The following ARX variants were observed in gnomAD, a reference collection of about 807,000 sequenced individuals.
The protein encoded by ARX is homeobox protein ARX.
ARX carries 1 observed loss-of-function variant against 23.1 expected under a neutral mutation model. The ratio of observed to expected loss-of-function variants is 0.04; its 90% CI spans 0.02 to 0.21. The LOEUF is 0.21. Ranked by LOEUF, ARX falls within the 10% of genes least tolerant of loss-of-function variation. The pLI is 1.00. For missense variants in ARX, 380 were observed against 527.5 expected (o/e 0.72, Z 2.74); for synonymous variants, 301 against 270.1 (o/e 1.11, Z -1.12).
At position 25,013,287 on chromosome X, in the gene ARX, A is replaced by G. The variant is rs763458576; in HGVS notation, c.708T>C (p.Asp236=). ...DEEELLEDEE[D]EDEEEELLED... ...CCAGCAGTTCCTCTTCCTCGTCCTC[A>G]TCTTCTTCGTCCTCCAGCAGCTCCT... Residue 236 remains aspartate, a synonymous_variant, in exon 2 of 5, where the codon GAT becomes GAC. Coordinates refer to ENST00000379044, the MANE Select transcript of ARX (RefSeq NM_139058.3). 1.5e-4 allele frequency: 176 copies of G among 1,150,186 alleles called. No homozygotes were observed. The highest frequency in any genetic ancestry group is 1.9e-4 in the Non-Finnish European group (164 of 869,134). 94.8% of individuals were successfully genotyped at this position (1,150,186 alleles called of 1,213,427 possible).
At chrX:25,013,938 C>T (rs1455788459) in intron 1 of ARX, 140 bp from the exon 2 acceptor site, 1 of 834,359 alleles carries the variant, frequency 1.2e-6, no homozygotes, top group Non-Finnish European at 1.5e-6. Context: ...ACTTCGACGC[C>T]TTGGCCTCTT....
chrX:25,015,428 C>T, intron 1 of ARX, 114 bp downstream of exon 1: 1 of 950,343 alleles, frequency 1.1e-6, no homozygotes, highest in Non-Finnish European at 1.5e-6. Flanking sequence ...CAGAGTTATG[C>T]CCTCTCCTTC....
Position 25,007,371 on chromosome X carries a change from AG to A in ARX, c.1187del (p.Pro396LeufsTer67), listed in dbSNP as rs1328291159. ...REKAGAQTHPPGLPFPGPLSA... is the reference protein window; with the variant it reads ...REKAGAQTHPXGLPFPGPLSA... ...AGAGCGGCCCCGGGAAGGGCAGCCC[AG>A]GGGGGTGGGTCTGCGCGCCTGCCTT... On this transcript the variant is annotated frameshift_variant, in exon 4 of 5. Coordinates refer to ENST00000379044, the MANE Select transcript of ARX (RefSeq NM_139058.3). LOFTEE classifies it high-confidence loss of function. The A allele has an allele frequency of 1.7e-6, 2 of 1,152,699 alleles. No homozygotes were observed. Among genetic ancestry groups the A allele is most frequent in the East Asian group, 3.3e-5 (1 of 30,076 alleles). The allele number at this position is 1,152,699 out of a possible 1,213,427, so 95.0% of individuals were successfully genotyped here. A position where few individuals can be genotyped will look rare whatever the true frequency, so the allele number is the denominator to read the frequency against.
intron 2 of ARX, among the ~76,000 whole-genome samples, chrX:25,012,405 G>A (rs1016095277): frequency 9.7e-5 from 11 of 112,867 alleles, no homozygotes; most frequent in African/African-American, 3.5e-4. Flanking sequence ...GCTTCACTGC[G>A]AACTGCGTAA....
rs1060504804 is a variant in ARX at position 25,012,936 on chromosome X, C to T, written c.1059G>A (p.Pro353=). 2.5e-6 allele frequency: 3 copies of T among 1,205,863 alleles called. No individual in the cohort carries two copies. Among genetic ancestry groups the T allele is most frequent in the Middle Eastern group, 2.8e-4 (1 of 3,534 alleles). ...LERAFQKTHY[P]DVFTREELAM... ...TACGCGCATACCTGGTGAAGACGTC[C>T]GGGTAGTGCGTCTTCTGGAAGGCCC... The change falls in exon 2 of 5, where the codon CCG becomes CCA. Residue 353 remains proline (P), a synonymous_variant. Coordinates refer to ENST00000379044, the MANE Select transcript of ARX (RefSeq NM_139058.3).
In ARX at chrX:25,013,173, C is replaced by A; in HGVS notation, c.822G>T (p.Val274=). 1 of 1,191,081 alleles carries A rather than the reference C, an allele frequency of 8.4e-7. No homozygotes were observed. ...RRCPVAATGA[V]AAAAAAAVAT... ...CCACTGCAGCGGCAGCTGCTGCGGC[C>A]ACGGCGCCAGTGGCGGCCACAGGAC... The change falls in exon 2 of 5, where the codon GTG becomes GTT. Residue 274 remains valine (V), a synonymous_variant. Coordinates refer to ENST00000379044, the MANE Select transcript of ARX (RefSeq NM_139058.3).
At position 25,013,560 on chromosome X, in the gene ARX, G is replaced by C. The variant is rs2048712536; in HGVS notation, c.435C>G (p.Ala145=). 2.6e-6 allele frequency: 2 copies of C among 776,996 alleles called. No homozygotes were observed. Among genetic ancestry groups the C allele is most frequent in the Non-Finnish European group, 1.5e-6 (1 of 659,295 alleles). 64.0% of individuals were successfully genotyped at this position (776,996 alleles called of 1,213,427 possible). ...CGGCGGCCGCGGCCGCGGCTGCCGC[G>C]GCGGCCCCTGCGCCGTCCGGCCGTT... ...PGERPDGAGA[A]AAAAAAAAAA... Residue 145 remains alanine (A), a synonymous_variant, in exon 2 of 5, where the codon GCC becomes GCG. Transcript: ENST00000379044.
chrX:25,012,785 G>C, intron 2 of ARX, 137 bp downstream of exon 2: 7 of 1,108,577 alleles, frequency 6.3e-6, no homozygotes, highest in Non-Finnish European at 8.4e-6. Flanking sequence ...GGGTGGGTGT[G>C]TTGGGAGGGC....
At chrX:25,009,310 G>A (rs1037367917) in intron 3 of ARX, among the ~76,000 whole-genome samples, 13 of 111,486 alleles carry the variant, frequency 1.2e-4, no homozygotes, top group South Asian at 1.2e-3. Flanking sequence ...GGGAGGGGGC[G>A]CTCTCTTTCT....
At chrX:25,005,702 C>A (rs1288367920) in intron 4 of ARX, among the ~76,000 whole-genome samples, 3 of 112,708 alleles carry the variant, frequency 2.7e-5, no homozygotes, top group Non-Finnish European at 3.8e-5. Context: ...ACGACCCTGG[C>A]GCGCGGCGCA....
chrX:25,015,695 C>T lies in ARX; in HGVS notation c.43G>A (p.Glu15Lys). 1 of 1,203,859 alleles carries T rather than the reference C, an allele frequency of 8.3e-7. No individual in the cohort carries two copies. Among genetic ancestry groups the T allele is most frequent in the Non-Finnish European group, 1.1e-6 (1 of 890,812 alleles). Residue 15 changes from glutamate (E) to lysine (K), a missense_variant, in exon 1 of 5, where the codon GAG (glutamate) becomes AAG (lysine). Glu to Lys is a moderately conservative substitution (Grantham distance 56). Around this residue, in one of 3 missense-constraint regions of ARX, gnomAD observed 235 missense variants for 270.2 expected, o/e 0.87. Transcript: ENST00000379044. ...YQEEGCSERP[E>K]CKSKSPTLLS... is the part of the protein sequence containing the mutation. ...AAAGTTGGAGATTTACTTTTGCACT[C>T]GGGCCTCTCGGAGCAGCCCTCCTCC...
At position 25,012,875 on chromosome X, in the gene ARX, C is replaced by T. The variant is rs767831085; in HGVS notation, c.1073+47G>A. 21 of 1,181,093 alleles carry T rather than the reference C, an allele frequency of 1.8e-5. No homozygotes were observed. The African/African-American group carries it at 2.1e-4, about 12-fold the overall frequency. On this transcript the variant is annotated intron_variant, in intron 2 of 4. Coordinates refer to ENST00000379044, the MANE Select transcript of ARX (RefSeq NM_139058.3). ...CAGCCCGCTGTCCCTCCCTGGGGCC[C>T]GCGTGCGCTCTCTGCCGCTGCGACC...
In ARX at chrX:25,015,942, A is replaced by G. The variant is rs1334958715; in HGVS notation, c.-205T>C. 7 of 460,058 alleles carry G rather than the reference A, an allele frequency of 1.5e-5. No homozygotes were observed. The highest frequency in any genetic ancestry group is 2.3e-5 in the Non-Finnish European group (6 of 262,055). The allele number at this position is 460,058 out of a possible 1,213,427, so 37.9% of individuals were successfully genotyped here. A position where few individuals can be genotyped will look rare whatever the true frequency, so the allele number is the denominator to read the frequency against. The stretch of plus-strand genomic sequence containing the variant: ...GCCCGAGCTCGCCCTCTCCGCGCTC[A>G]GGACAAGCGGTAACAAGTGTAGTGA... On this transcript the variant is annotated 5_prime_UTR_variant, in exon 1 of 5. Coordinates refer to ENST00000379044, the MANE Select transcript of ARX (RefSeq NM_139058.3).
chrX:25,005,119 G>A (rs1340336958), intron 4 of ARX, among the ~76,000 whole-genome samples: 1 of 112,132 alleles, frequency 8.9e-6, no homozygotes, highest in Non-Finnish European at 1.9e-5. Context: ...CGACTGGGGG[G>A]AAAAGACCGA....
chrX:25,013,770 G>T lies in ARX; in HGVS notation c.225C>A (p.Phe75Leu). Residue 75 changes from phenylalanine (F) to leucine (L), a missense_variant, in exon 2 of 5, where the codon TTC becomes TTA. Phe to Leu is a conservative substitution (Grantham distance 22). Coordinates refer to ENST00000379044, the MANE Select transcript of ARX (RefSeq NM_139058.3). The stretch of plus-strand genomic sequence containing the variant: ...TGGGCGGCAGGTGCAGCTCGGCCTC[G>T]AACGGGGCGCTGCTGCTCTTAGGGG... ...QGSPKSSSAP[F>L]EAELHLPPKL... The T allele has an allele frequency of 1.1e-6, 1 of 929,209 alleles. No individual in the cohort carries two copies. The highest frequency in any genetic ancestry group is 1.3e-6 in the Non-Finnish European group (1 of 750,276). 76.6% of individuals were successfully genotyped at this position (929,209 alleles called of 1,213,427 possible).
In ARX at chrX:25,004,884, G is replaced by A; in HGVS notation, c.1475C>T (p.Thr492Ile). Residue 492 changes from threonine (T) to isoleucine (I), a missense_variant, in exon 5 of 5, where the codon ACC becomes ATC. Thr to Ile is a moderately conservative substitution (Grantham distance 89). This residue lies in a region of ARX where 121 missense variants were observed against 169.7 expected (regional missense o/e 0.71). Transcript: ENST00000379044. ...GAGCGCGGCCGCGGTCGACGCGCTG[G>A]TCAGGGGGGCCATTGTGGAAAAGAG... ...GRLFSTMAPL[T>I]SASTAAALLR... 8.7e-7 allele frequency: 1 copy of A among 1,144,040 alleles called. No homozygotes were observed. Among genetic ancestry groups the A allele is most frequent in the Non-Finnish European group, 1.2e-6 (1 of 864,743 alleles). The allele number at this position is 1,144,040 out of a possible 1,213,427, so 94.3% of individuals were successfully genotyped here. A position where few individuals can be genotyped will look rare whatever the true frequency, so the allele number is the denominator to read the frequency against.
chrX:25,005,715 G>T (rs1352399168), intron 4 of ARX, among the ~76,000 whole-genome samples: 2 of 112,691 alleles, frequency 1.8e-5, no homozygotes, highest in Non-Finnish European at 3.8e-5. Context: ...GCGGCGCAAG[G>T]CGATGCCCAA....
rs2048725477 is a variant in ARX at position 25,015,836 on chromosome X, G to A, written c.-99C>T. The stretch of plus-strand genomic sequence containing the variant: ...TGTGTTGGGGGTGGGGTTAGATAGC[G>A]GGTTATAACGGATATTATTGCGATC... On this transcript the variant is annotated 5_prime_UTR_variant, in exon 1 of 5. Transcript: ENST00000379044. 4 of 875,423 alleles carry A rather than the reference G, an allele frequency of 4.6e-6. No homozygotes were observed. Among genetic ancestry groups the A allele is most frequent in the Admixed American group, 2.6e-5 (1 of 37,802 alleles). 72.1% of individuals were successfully genotyped at this position (875,423 alleles called of 1,213,427 possible).
chrX:25,012,589 G>A (rs1292405139), intron 2 of ARX, among the ~76,000 whole-genome samples: 1 of 113,324 alleles, frequency 8.8e-6, no homozygotes, highest in Non-Finnish European at 1.9e-5. Context: ...TGCTGTGCGC[G>A]CGTCTCCAAG....
Sources: allele counts gnomAD v4.1 joint callset (sites outside exome capture counted in the v4.1 genomes callset), GRCh38; gene constraint gnomAD v4.1.1; regional missense constraint gnomAD v4.1.1; transcripts MANE v1.5; gene names NCBI Gene and HGNC (gene_info 2026-07-23, HGNC 2026-07-21).